Variants in ZBTB37 observed in about 807,000 individuals in gnomAD.
ZBTB37 encodes the protein zinc finger and BTB domain containing 37, also known as zinc finger and BTB domain-containing protein 37.
In ZBTB37, 15 loss-of-function variants were observed where a neutral mutation model predicts 37.7. The observed-to-expected ratio is 0.40, with a 90% CI of 0.27 to 0.61. The LOEUF is 0.61. ZBTB37 is among the 20% of genes least tolerant of loss of function. ZBTB37 has a pLI of 0.44. For synonymous variants in ZBTB37, 231 were observed against 220.6 expected (o/e 1.05, Z -0.42); for missense variants, 514 against 641.9 (o/e 0.80, Z 2.15).
downstream of ZBTB37, chr1:173,889,510 A>G (rs1004064939): frequency 6.6e-6 from 1 of 152,258 alleles, no homozygotes; most frequent in Non-Finnish European, 1.5e-5. Flanking sequence ...TTAGTAGCAA[A>G]GGAGCTATCC....
intron 4 of ZBTB37, among the ~76,000 whole-genome samples, chr1:173,876,587 G>A (rs932750089): frequency 6.6e-6 from 1 of 152,018 alleles, no homozygotes; most frequent in Non-Finnish European, 1.5e-5. Flanking sequence ...CGAAGTGCTG[G>A]GATTACAGAC....
Position 173,902,581 on chromosome 1 carries a change from AG to A in ZBTB37, c.*16458del, listed in dbSNP as rs1225622472. On this transcript the variant is annotated 3_prime_UTR_variant, in exon 4 of 4. Transcript: ENST00000367701. ...CTGGCTTTGTGCATCTTATTTCCTA[AG>A]AATATCAGTTTTTATTATGACCTTA... 2.6e-5 allele frequency: 4 copies of A among 152,346 alleles called. No individual in the cohort carries two copies. In the East Asian group the frequency reaches 7.7e-4, roughly 29 times the overall value. 9.4% of individuals were successfully genotyped at this position (152,346 alleles called of 1,614,324 possible). A position where few individuals can be genotyped will look rare whatever the true frequency, so the allele number is the denominator to read the frequency against.
rs555613414 is a variant in ZBTB37, at chr1:173,875,426, A to G, written c.1023+1860A>G. 2.7e-5 allele frequency among the ~76,000 whole-genome samples: 4 copies of G among 150,892 alleles called. No individual in the cohort carries two copies. In the East Asian group the frequency reaches 5.9e-4, roughly 22 times the overall value. On this transcript the variant is annotated intron_variant, in intron 4 of 4. Coordinates refer to ENST00000427304, the Ensembl canonical transcript of ZBTB37. ...CTGCAATCTCTGCCTCCTGGGTTCA[A>G]ACGGTTCTCCTGCCTCAACCTCCTG...
chr1:173,885,500 GTAA>G lies in ZBTB37; in HGVS notation c.1024-131_1024-129del, dbSNP rs1053456576. 53 of 725,208 alleles carry G rather than the reference GTAA, an allele frequency of 7.3e-5. 2 individuals carry two copies. The Middle Eastern group carries it at 1.1e-3, about 15-fold the overall frequency. The allele number at this position is 725,208 out of a possible 1,614,324, so 44.9% of individuals were successfully genotyped here. On this transcript the variant is annotated intron_variant, in intron 4 of 4. Transcript: ENST00000427304. ...ATTATGGTAATATCTTTACTTTTTG[GTAA>G]TAATTTTCTGTTTGATCCGCCACTA...
At chr1:173,873,929 A>G (rs958019571) in intron 4 of ZBTB37, among the ~76,000 whole-genome samples, 1 of 152,254 alleles carries the variant, frequency 6.6e-6, no homozygotes, top group African/African-American at 2.4e-5. Context: ...TACAGAAAAG[A>G]ACAATTGGCT....
chr1:173,882,588 TC>T (rs756367395), intron 4 of ZBTB37, among the ~76,000 whole-genome samples: 3 of 152,172 alleles, frequency 2.0e-5, no homozygotes, highest in Non-Finnish European at 4.4e-5. Flanking sequence ...TTTAATTAGA[TC>T]CCGTTTGTCT....
chr1:173,893,738 C>G (rs962847157), exon 4 of ZBTB37: 5 of 152,252 alleles, frequency 3.3e-5, no homozygotes, highest in African/African-American at 7.2e-5. Flanking sequence ...ATTAACTCAT[C>G]TAATCCTTAT....
chr1:173,889,606 C>G (rs1656762498), downstream of ZBTB37: 2 of 152,140 alleles, frequency 1.3e-5, no homozygotes. Context: ...AACTCTAATA[C>G]CAGTATAAAA....
chr1:173,900,518 TTTGTA>T (rs1345808949), exon 4 of ZBTB37: 7 of 152,110 alleles, frequency 4.6e-5, no homozygotes, highest in Non-Finnish European at 1.0e-4. Flanking sequence ...ATGAAGAAAA[TTTGTA>T]TTTAAGAGCA....
chr1:173,870,685 A>G (rs758337961), exon 3 of ZBTB37: 4 of 1,614,198 alleles, frequency 2.5e-6, no homozygotes, highest in Non-Finnish European at 3.4e-6. Context: ...AGAGTCTCAC[A>G]GGGTTACACC....
chr1:173,870,295 C>G (rs1655459727), exon 3 of ZBTB37: 4 of 1,614,056 alleles, frequency 2.5e-6, no homozygotes, highest in African/African-American at 2.7e-5. Flanking sequence ...CCATCTAAAC[C>G]AGTTGCGCAT....
At position 173,873,443 on chromosome 1, in the gene ZBTB37, C is replaced by G. The variant is rs751840920; in HGVS notation, c.924-24C>G. The G allele has an allele frequency of 1.6e-5, 25 of 1,572,456 alleles. No individual in the cohort carries two copies. The East Asian group carries it at 5.8e-4, about 36-fold the overall frequency. On this transcript the variant is annotated intron_variant, in intron 3 of 4. Coordinates refer to ENST00000427304, the Ensembl canonical transcript of ZBTB37. Reference sequence around the variant, plus strand: ...CTTTGATGCTGCTTTTGTATTAGTCCCCTTTATGTTCCTCTTCCAACAGAT... The same window carrying G: ...CTTTGATGCTGCTTTTGTATTAGTCGCCTTTATGTTCCTCTTCCAACAGAT...
At chr1:173,879,633 A>AC (rs1656187544) in intron 4 of ZBTB37, among the ~76,000 whole-genome samples, 1 of 152,136 alleles carries the variant, frequency 6.6e-6, no homozygotes, top group Admixed American at 6.5e-5. Context: ...AAGTTTGTAA[A>AC]CCCCAAAAGA....
intron 4 of ZBTB37, among the ~76,000 whole-genome samples, chr1:173,885,118 C>T (rs1367917085): frequency 6.6e-6 from 1 of 152,122 alleles, no homozygotes. Flanking sequence ...CTGGTGGTCC[C>T]AGCTACTCAG....
exon 3 of ZBTB37, chr1:173,871,069 G>T (rs1272508482): frequency 6.2e-7 from 1 of 1,614,072 alleles, no homozygotes; most frequent in African/African-American, 1.3e-5. Flanking sequence ...CACAGGCCAT[G>T]GTTCTGTAGG....
chr1:173,874,325 C>G (rs1655779805), intron 4 of ZBTB37, among the ~76,000 whole-genome samples: 2 of 148,960 alleles, frequency 1.3e-5, no homozygotes, highest in Non-Finnish European at 3.0e-5. Context: ...TCTAAAAAAT[C>G]TATAGAAAAC....
chr1:173,882,890 A>G (rs1023739527), intron 4 of ZBTB37, among the ~76,000 whole-genome samples: 4 of 152,234 alleles, frequency 2.6e-5, no homozygotes, highest in African/African-American at 7.2e-5. Context: ...AAGATTATAA[A>G]TAATATGAAT....
exon 3 of ZBTB37, chr1:173,871,020 G>A (rs760696920): frequency 6.2e-7 from 1 of 1,614,234 alleles, no homozygotes; most frequent in Non-Finnish European, 8.5e-7. Flanking sequence ...GAGAAGATGG[G>A]AGTAGTGCAG....
At chr1:173,871,639 A>G (rs947032142) in intron 3 of ZBTB37, among the ~76,000 whole-genome samples, 20 of 152,334 alleles carry the variant, frequency 1.3e-4, no homozygotes, top group South Asian at 4.1e-4. Flanking sequence ...CAAATTAGTA[A>G]AATAGTAATT....
Sources: allele counts gnomAD v4.1 joint callset (sites outside exome capture counted in the v4.1 genomes callset), GRCh38; gene constraint gnomAD v4.1.1; transcripts MANE v1.5; gene names NCBI Gene and HGNC (gene_info 2026-07-23, HGNC 2026-07-21).